Variants in USP10 observed in about 807,000 individuals in gnomAD.
USP10 encodes ubiquitin carboxyl-terminal hydrolase 10.
A neutral mutation model predicts 84.5 loss-of-function variants in USP10; 22 were observed. The observed-to-expected ratio is 0.26, with a 90% CI of 0.19 to 0.37. The LOEUF (loss-of-function observed/expected upper bound fraction) is 0.37. Among genes scored for constraint, USP10 ranks in the 10% least tolerant of loss-of-function variants. The pLI is 1.00. For synonymous variants in USP10, 454 were observed against 387.6 expected (o/e 1.17, Z -2.01); for missense variants, 1,019 against 998.9 (o/e 1.02, Z -0.27).
intron 8 of USP10, among the ~76,000 whole-genome samples, chr16:84,762,200 C>T (rs1287597702): frequency 3.9e-5 from 6 of 152,208 alleles, no homozygotes; most frequent in Non-Finnish European, 7.3e-5. Flanking sequence ...TGGAGTTTTT[C>T]CACATGTAGT....
At chr16:84,720,576 ATTTTTTTT>A (rs10699847) in intron 1 of USP10, among the ~76,000 whole-genome samples, 2 of 88,354 alleles carry the variant, frequency 2.3e-5, no homozygotes, top group Admixed American at 1.6e-4. Context: ...ATGATGCCCA[ATTTTTTTT>A]TTTTTTTTTT....
chr16:84,729,746 G>A (rs902250518), intron 1 of USP10, among the ~76,000 whole-genome samples: 6 of 152,184 alleles, frequency 3.9e-5, no homozygotes, highest in African/African-American at 7.2e-5. Context: ...TGTGATTCAC[G>A]TGTATTTTGA....
At chr16:84,760,299 T>G in intron 8 of USP10, 24 bp downstream of exon 8, 1 of 1,563,270 alleles carries the variant, frequency 6.4e-7, no homozygotes. Context: ...CTGTTGTCAC[T>G]AGTATCAAGT....
chr16:84,759,693 G>A (rs1488043525), intron 6 of USP10, 198 bp from the exon 7 acceptor site: 1 of 680,846 alleles, frequency 1.5e-6, no homozygotes, highest in Non-Finnish European at 2.5e-6. Context: ...AAATATTTTA[G>A]CGTTTACCAG....
At position 84,711,128 on chromosome 16, in the gene USP10, C is replaced by A. The variant is rs369404643; in HGVS notation, c.21+11017C>A. ...GAGCTGTCATGTCGTGTCTTCAGAA[C>A]GAGATTTCAGTTTGGCTTGGCATTC... is the stretch of plus-strand genomic sequence containing the variant. On this transcript the variant is annotated intron_variant, in intron 1 of 13. Coordinates refer to ENST00000219473, the MANE Select transcript of USP10 (RefSeq NM_005153.3). 6.6e-5 allele frequency among the ~76,000 whole-genome samples: 10 copies of A among 152,212 alleles called. 1 individual carries two copies. Among genetic ancestry groups the A allele is most frequent in the Admixed American group, 5.2e-4 (8 of 15,278 alleles).
At chr16:84,735,972 G>C (rs767712225) in intron 2 of USP10, among the ~76,000 whole-genome samples, 1 of 151,842 alleles carries the variant, frequency 6.6e-6, no homozygotes. Flanking sequence ...GGGCCTGTGG[G>C]TGTGTGAGTG....
intron 1 of USP10, among the ~76,000 whole-genome samples, chr16:84,701,618 T>G (rs1904868957): frequency 6.6e-6 from 1 of 152,224 alleles, no homozygotes; most frequent in African/African-American, 2.4e-5. Context: ...AGAAAGCATC[T>G]TTAGGCATAG....
intron 2 of USP10, among the ~76,000 whole-genome samples, chr16:84,735,554 G>T (rs1287774457): frequency 6.6e-6 from 1 of 152,086 alleles, no homozygotes; most frequent in Non-Finnish European, 1.5e-5. Flanking sequence ...AAAAAATGCA[G>T]AATGCTTATT....
intron 11 of USP10, among the ~76,000 whole-genome samples, chr16:84,768,744 A>G (rs1914122860): frequency 6.6e-6 from 1 of 152,266 alleles, no homozygotes; most frequent in African/African-American, 2.4e-5. Flanking sequence ...GAGAGATTCC[A>G]GACACATCTG....
intron 1 of USP10, among the ~76,000 whole-genome samples, chr16:84,720,823 C>T (rs370017414): frequency 1.9e-4 from 28 of 151,114 alleles, no homozygotes; most frequent in African/African-American, 6.8e-4. Flanking sequence ...ACCTCATGAT[C>T]TGCCCACCTC....
At chr16:84,749,429 G>C (rs1911640833) in intron 4 of USP10, among the ~76,000 whole-genome samples, 1 of 152,072 alleles carries the variant, frequency 6.6e-6, no homozygotes, top group East Asian at 1.9e-4. Context: ...ATTAACTTTT[G>C]GGAAAGAGGG....
At chr16:84,765,476 CTTTT>C (rs11395693) in intron 10 of USP10, among the ~76,000 whole-genome samples, 1 of 144,014 alleles carries the variant, frequency 6.9e-6, no homozygotes, top group Admixed American at 6.9e-5. Flanking sequence ...GTAGTTTCGT[CTTTT>C]TTTTTTTTTT....
intron 3 of USP10, among the ~76,000 whole-genome samples, chr16:84,740,950 C>T (rs374444482): frequency 6.6e-6 from 1 of 152,248 alleles, no homozygotes; most frequent in South Asian, 2.1e-4. Flanking sequence ...AAGTACCCAG[C>T]GTTGGAATAC....
In USP10 at chr16:84,775,618, C is replaced by T. The variant is rs554696122; in HGVS notation, c.2209+393C>T. 7.2e-5 allele frequency among the ~76,000 whole-genome samples: 11 copies of T among 152,302 alleles called. No individual in the cohort carries two copies. The South Asian group carries it at 2.3e-3, about 32-fold the overall frequency. Reference sequence around the variant, plus strand: ...CAGGTTGGGTGAGCGCGCCCCCAGCCGGTGATCCCTGCGTCCTCCCCCACA... The same window carrying T: ...CAGGTTGGGTGAGCGCGCCCCCAGCTGGTGATCCCTGCGTCCTCCCCCACA... On this transcript the variant is annotated intron_variant, in intron 13 of 13. Transcript: ENST00000219473.
intron 1 of USP10, among the ~76,000 whole-genome samples, chr16:84,724,443 A>G (rs1354534143): frequency 1.3e-5 from 2 of 152,196 alleles, no homozygotes; most frequent in African/African-American, 4.8e-5. Flanking sequence ...AGAATATACA[A>G]ACAGGGAAGT....
At position 84,721,181 on chromosome 16, in the gene USP10, C is replaced by A. The variant is rs182033297; in HGVS notation, c.22-12254C>A. Among the ~76,000 whole-genome samples the A allele has an allele frequency of 2.0e-5, 3 of 152,216 alleles. No individual in the cohort carries two copies. The East Asian group carries it at 5.8e-4, about 29-fold the overall frequency. On this transcript the variant is annotated intron_variant, in intron 1 of 13. Coordinates refer to ENST00000219473, the MANE Select transcript of USP10 (RefSeq NM_005153.3). The stretch of plus-strand genomic sequence containing the variant: ...TGCTGGGATTACAGGTGTGAGCCAC[C>A]ATGCCCGGCAATGATGCAGAATTTT...
intron 1 of USP10, among the ~76,000 whole-genome samples, chr16:84,721,050 T>C (rs566222657): frequency 1.3e-5 from 2 of 152,012 alleles, no homozygotes; most frequent in Non-Finnish European, 2.9e-5. Flanking sequence ...CCCGCCACCA[T>C]GCCTGACTAA....
In USP10 at chr16:84,700,001, A is replaced by G. The variant is rs1295057717; in HGVS notation, c.-90A>G. Reference sequence around the variant, plus strand: ...GTGCGCAGGCGCGGCGGCCGATGCGAGTGTGTATGTGCGGGCGAGAAGATG... The same window carrying G: ...GTGCGCAGGCGCGGCGGCCGATGCGGGTGTGTATGTGCGGGCGAGAAGATG... On this transcript the variant is annotated 5_prime_UTR_variant, in exon 1 of 14. Transcript: ENST00000219473. 6 of 1,203,302 alleles carry G rather than the reference A, an allele frequency of 5.0e-6. No homozygotes were observed. The highest frequency in any genetic ancestry group is 3.2e-5 in the African/African-American group (2 of 61,644). The allele number at this position is 1,203,302 out of a possible 1,614,324, so 74.5% of individuals were successfully genotyped here. A position where few individuals can be genotyped will look rare whatever the true frequency, so the allele number is the denominator to read the frequency against.
chr16:84,740,186 G>T, intron 2 of USP10, 123 bp from the exon 3 acceptor site: 1 of 775,830 alleles, frequency 1.3e-6, no homozygotes. Context: ...TATTCTGCTA[G>T]AAGTAACGGC....
Sources: gnomAD v4.1 joint callset for allele counts (sites outside exome capture counted in the v4.1 genomes callset) on GRCh38, gnomAD v4.1.1 for gene constraint, MANE v1.5 for transcripts, NCBI Gene and HGNC (gene_info 2026-07-23, HGNC 2026-07-21) for gene names.